Variants in SENP1 observed in about 807,000 individuals in gnomAD.
SENP1 encodes sentrin-specific protease 1.
In SENP1, 21 loss-of-function variants were observed where a neutral mutation model predicts 93.0. The observed-to-expected ratio is 0.23, with a 90% CI of 0.16 to 0.33. SENP1 has a LOEUF of 0.33. Ranked by LOEUF, SENP1 falls within the 10% of genes least tolerant of loss-of-function variation. The probability of loss-of-function intolerance (pLI) is 1.00; values close to 1 mark genes in which losing one functional copy is unlikely to be tolerated. For missense variants in SENP1, 591 were observed against 758.7 expected (o/e 0.78, Z 2.60); for synonymous variants, 256 against 259.6 (o/e 0.99, Z 0.13).
At chr12:48,059,347 A>C (rs1942804504) in intron 13 of SENP1, among the ~76,000 whole-genome samples, 1 of 151,982 alleles carries the variant, frequency 6.6e-6, no homozygotes, top group African/African-American at 2.4e-5. Context: ...CAAGTTTACG[A>C]ATTTTTTCTT....
chr12:48,073,492 TG>T (rs1943858619), intron 8 of SENP1, among the ~76,000 whole-genome samples: 1 of 152,022 alleles, frequency 6.6e-6, no homozygotes, highest in Non-Finnish European at 1.5e-5. Context: ...AAATCCCTGA[TG>T]TTTAACCATT....
At chr12:48,104,923 G>C (rs1471356154) in intron 1 of SENP1, among the ~76,000 whole-genome samples, 1 of 152,208 alleles carries the variant, frequency 6.6e-6, no homozygotes, top group Admixed American at 6.5e-5. Context: ...GAAAAATAAA[G>C]GGTGGTAGAG....
intron 13 of SENP1, among the ~76,000 whole-genome samples, chr12:48,059,283 A>G (rs944873898): frequency 6.6e-6 from 1 of 151,940 alleles, no homozygotes; most frequent in Admixed American, 6.6e-5. Flanking sequence ...GATGCTCTTG[A>G]TATCTTTCTT....
At chr12:48,089,228 C>T (rs760868958) in intron 4 of SENP1, 88 of 1,452,156 alleles carry the variant, frequency 6.1e-5, no homozygotes, top group African/African-American at 9.8e-5. Context: ...AATGTGACTC[C>T]GTGGTGTCCA....
At position 48,065,642 on chromosome 12, in the gene SENP1, C is replaced by A. The variant is rs750217230; in HGVS notation, c.1073G>T (p.Arg358Leu). 1 of 1,562,410 alleles carries A rather than the reference C, an allele frequency of 6.4e-7. No individual in the cohort carries two copies. Among genetic ancestry groups the A allele is most frequent in the East Asian group, 2.4e-5 (1 of 42,386 alleles). Residue 358 changes from arginine to leucine, a missense_variant, in exon 11 of 18, where the codon CGC becomes CTC. Physicochemically the swap from Arg to Leu is moderately radical, Grantham distance 102 (BLOSUM62 -2). Around this residue, in one of 4 missense-constraint regions of SENP1, gnomAD observed 238 missense variants for 259.1 expected, o/e 0.92. Transcript: ENST00000549518. ...VYDSRARERLRQIEEQKALAL... is the reference protein window; with the variant it reads ...VYDSRARERLLQIEEQKALAL... Reference sequence around the variant, plus strand: ...CAATGCCTTCTGTTCTTCAATCTGGCGCAATCTTTCTCGTGCTCGAGAATC... The same window carrying A: ...CAATGCCTTCTGTTCTTCAATCTGGAGCAATCTTTCTCGTGCTCGAGAATC...
At chr12:48,069,152 CAAAAAAAAAAAAAA>C (rs10564674) in intron 9 of SENP1, among the ~76,000 whole-genome samples, 2 of 76,336 alleles carry the variant, frequency 2.6e-5, no homozygotes, top group African/African-American at 1.1e-4. Context: ...GACTCTGTCA[CAAAAAAAAAAAAAA>C]AAAAAAAAAA....
intron 13 of SENP1, among the ~76,000 whole-genome samples, chr12:48,054,397 C>A (rs1264441292): frequency 1.3e-5 from 2 of 152,144 alleles, no homozygotes; most frequent in African/African-American, 4.8e-5. Context: ...GTTCTGAAAT[C>A]TAATTTGTAT....
intron 13 of SENP1, among the ~76,000 whole-genome samples, chr12:48,059,297 C>T (rs1942799596): frequency 6.6e-6 from 1 of 151,980 alleles, no homozygotes; most frequent in Middle Eastern, 3.2e-3. Flanking sequence ...CTTTCTTTGG[C>T]TTTTTTTGTG....
rs111528834 is a variant in SENP1, at chr12:48,052,358, C to A, written c.1408-3226G>T. Among the ~76,000 whole-genome samples, 354 of 152,256 alleles carry A rather than the reference C, an allele frequency of 2.3e-3. 1 individual carries two copies. Among genetic ancestry groups the A allele is most frequent in the Admixed American group, 7.1e-3 (108 of 15,298 alleles). On this transcript the variant is annotated intron_variant, in intron 13 of 17. Transcript: ENST00000549518. ...TCTCATGCTTATAGTTTGAACTCTT[C>A]TAATTAGCTTGAGAAAAAATGTTCT...
At chr12:48,046,711 C>G (rs557194159) in intron 16 of SENP1, among the ~76,000 whole-genome samples, 1 of 152,094 alleles carries the variant, frequency 6.6e-6, no homozygotes, top group Non-Finnish European at 1.5e-5. Flanking sequence ...CTCCCTCCCC[C>G]AGAGGCCAAA....
intron 13 of SENP1, among the ~76,000 whole-genome samples, chr12:48,057,749 C>A (rs1475313729): frequency 1.3e-5 from 2 of 150,118 alleles, no homozygotes; most frequent in Non-Finnish European, 3.0e-5. Context: ...TACAGGCACA[C>A]ACGATGACGG....
In SENP1 at chr12:48,094,379, C is replaced by CA. The variant is rs200460996; in HGVS notation, c.220+1963dup. ...TGGGTGACAGAGTGAAACTCTGTCT[C>CA]AAAAAAAAATTAAAAATAGGCCAGG... On this transcript the variant is annotated intron_variant, in intron 4 of 17. Transcript: ENST00000549518. Among the ~76,000 whole-genome samples, 49 of 149,942 alleles carry CA rather than the reference C, an allele frequency of 3.3e-4. No homozygotes were observed. In the East Asian group the frequency reaches 8.8e-3, roughly 27 times the overall value.
intron 4 of SENP1, among the ~76,000 whole-genome samples, chr12:48,095,062 C>T (rs1945463875): frequency 6.6e-6 from 1 of 152,054 alleles, no homozygotes; most frequent in Admixed American, 6.5e-5. Context: ...AAGTCCAGTG[C>T]CCAGGGCAGA....
intron 6 of SENP1, among the ~76,000 whole-genome samples, chr12:48,082,807 T>A (rs1416729587): frequency 6.6e-6 from 1 of 152,212 alleles, no homozygotes; most frequent in Non-Finnish European, 1.5e-5. Flanking sequence ...GTCTTACTCA[T>A]AATGAAAGGA....
intron 4 of SENP1, among the ~76,000 whole-genome samples, chr12:48,094,636 C>T (rs1312936957): frequency 6.6e-6 from 1 of 151,804 alleles, no homozygotes; most frequent in East Asian, 1.9e-4. Context: ...GTCAAGATCG[C>T]GCCATTACAC....
At chr12:48,085,244 TG>T in intron 5 of SENP1, 2 of 1,551,574 alleles carry the variant, frequency 1.3e-6, no homozygotes, top group African/African-American at 1.4e-5. Flanking sequence ...GGGATGACAC[TG>T]GCATCATCCT....
intron 12 of SENP1, among the ~76,000 whole-genome samples, chr12:48,064,358 T>C (rs1455689296): frequency 1.3e-5 from 2 of 152,146 alleles, no homozygotes; most frequent in Non-Finnish European, 2.9e-5. Context: ...GAAGTATGGA[T>C]AAAGAAACGG....
chr12:48,104,430 T>C (rs2137403514), intron 1 of SENP1, among the ~76,000 whole-genome samples: 1 of 152,258 alleles, frequency 6.6e-6, no homozygotes, highest in South Asian at 2.1e-4. Flanking sequence ...GTACAATAGT[T>C]TGTACTATAT....
At chr12:48,086,950 A>C (rs2137176925) in intron 5 of SENP1, among the ~76,000 whole-genome samples, 1 of 152,256 alleles carries the variant, frequency 6.6e-6, no homozygotes. Flanking sequence ...GAGGCAGGAG[A>C]ATTGCTTGAA....
Sources: gnomAD v4.1 joint callset for allele counts (sites outside exome capture counted in the v4.1 genomes callset) on GRCh38, gnomAD v4.1.1 for gene constraint, gnomAD v4.1.1 regional missense constraint, MANE v1.5 for transcripts, NCBI Gene and HGNC (gene_info 2026-07-23, HGNC 2026-07-21) for gene names.